Variants in KCND3 observed in about 807,000 individuals in gnomAD.
The protein encoded by KCND3 is A-type voltage-gated potassium channel KCND3.
Under a neutral mutation model 51.1 loss-of-function variants are expected in KCND3, and 9 were observed. The observed-to-expected ratio is 0.18, with a 90% CI of 0.11 to 0.31. The LOEUF (loss-of-function observed/expected upper bound fraction) is 0.31, where lower values mean the gene tolerates loss of function less well. KCND3 is among the 10% of genes least tolerant of loss of function. The pLI, the probability that KCND3 is intolerant of heterozygous loss-of-function variation, is 1.00. For synonymous variants in KCND3, 349 were observed against 368.0 expected, an observed-to-expected ratio of 0.95 and a Z score of 0.59; for missense variants, 526 against 903.8, an observed-to-expected ratio of 0.58 and a Z score of 5.36.
chr1:111,878,691 C>G (rs1669168619), intron 2 of KCND3, among the ~76,000 whole-genome samples: 1 of 152,240 alleles, frequency 6.6e-6, no homozygotes, highest in African/African-American at 2.4e-5. Context: ...AGCACTCTCC[C>G]TATACTCCTG....
At chr1:111,819,109 G>A (rs115519778) in intron 2 of KCND3, among the ~76,000 whole-genome samples, 5,066 of 152,162 alleles carry the variant, frequency 0.033, 100 homozygotes, top group South Asian at 0.041. Context: ...GCTTTTAGGA[G>A]AGCTCACACT....
In KCND3 at chr1:111,969,394, CAGGGA is replaced by C. The variant is rs1674200969; in HGVS notation, c.1106+12222_1106+12226del. On this transcript the variant is annotated intron_variant, in intron 2 of 7. Coordinates refer to ENST00000302127, the MANE Select transcript of KCND3 (RefSeq NM_001378969.1). ...TGTGGAAGGAGATTTCTCCACCTTC[CAGGGA>C]AGGCATTTCAGGCTCCCAAATGCCT... 2.0e-5 allele frequency among the ~76,000 whole-genome samples: 3 copies of C among 152,086 alleles called. No individual in the cohort carries two copies. In the South Asian group the frequency reaches 6.2e-4, roughly 32 times the overall value.
chr1:111,832,543 C>A (rs1386249484), intron 2 of KCND3, among the ~76,000 whole-genome samples: 1 of 152,174 alleles, frequency 6.6e-6, no homozygotes, highest in African/African-American at 2.4e-5. Context: ...GATGCCCCTT[C>A]CCTAAAGCAT....
At chr1:111,921,173 G>T (rs1271657894) in intron 2 of KCND3, among the ~76,000 whole-genome samples, 1 of 152,202 alleles carries the variant, frequency 6.6e-6, no homozygotes, top group Non-Finnish European at 1.5e-5. Flanking sequence ...ATGATGTAGA[G>T]ATTCTTATTG....
rs774941907 is a variant in KCND3, at chr1:111,780,245, G to A, written c.1441C>T (p.His481Tyr). ...CTCACAGTGGTTTTTTCCAGGCAGTGCAGCAGGTGATGATGCTGGCTCTCG... is the reference window on the plus strand; with the variant it reads ...CTCACAGTGGTTTTTTCCAGGCAGTACAGCAGGTGATGATGCTGGCTCTCG... The part of the protein sequence containing the change: ...LIESQHHHLL[H>Y]CLEKTTGLSY... Residue 481 changes from histidine (H) to tyrosine (Y), a missense_variant, in exon 5 of 8, where the codon CAC becomes TAC. His to Tyr is a moderately conservative substitution (Grantham distance 83). Transcript: ENST00000302127. The surrounding 1 kb of genome is among the most constrained non-coding windows in gnomAD (Gnocchi z 4.2). The A allele has an allele frequency of 6.3e-7, 1 of 1,590,596 alleles. No individual in the cohort carries two copies. The highest frequency in any genetic ancestry group is 1.3e-5 in the African/African-American group (1 of 74,748).
chr1:111,936,097 T>C (rs1346586434), intron 2 of KCND3, among the ~76,000 whole-genome samples: 5 of 152,246 alleles, frequency 3.3e-5, no homozygotes, highest in Non-Finnish European at 7.3e-5. Flanking sequence ...CACAGTCACA[T>C]TGCATGCACA....
chr1:111,782,709 C>T (rs182868908), intron 3 of KCND3, among the ~76,000 whole-genome samples: 9 of 152,138 alleles, frequency 5.9e-5, no homozygotes, highest in Admixed American at 4.6e-4. Context: ...ATCTGGGGTC[C>T]GTCTTCATTA....
chr1:111,872,203 A>G (rs1668855013), intron 2 of KCND3, among the ~76,000 whole-genome samples: 1 of 152,238 alleles, frequency 6.6e-6, no homozygotes, highest in African/African-American at 2.4e-5. Flanking sequence ...GTAAGAGGAC[A>G]GAGGATGGGG....
intron 2 of KCND3, among the ~76,000 whole-genome samples, chr1:111,827,763 C>T (rs1666644520): frequency 6.6e-6 from 1 of 152,172 alleles, no homozygotes. Context: ...TCTCTGCCCT[C>T]CTGGGTGAGG....
intron 2 of KCND3, among the ~76,000 whole-genome samples, chr1:111,857,507 G>A (rs925356573): frequency 3.3e-5 from 5 of 152,220 alleles, no homozygotes; most frequent in Admixed American, 1.3e-4. Context: ...AATACCCGTC[G>A]CTTATGGGGG....
At chr1:111,951,157 C>CAAAAA (rs71081206) in intron 2 of KCND3, among the ~76,000 whole-genome samples, 4 of 30,610 alleles carry the variant, frequency 1.3e-4, no homozygotes, top group African/African-American at 2.0e-4. Context: ...CAAACAAGAG[C>CAAAAA]AAAAAAAAAA....
At chr1:111,847,978 C>T (rs146948477) in intron 2 of KCND3, among the ~76,000 whole-genome samples, 5 of 152,364 alleles carry the variant, frequency 3.3e-5, no homozygotes, top group East Asian at 3.9e-4. Context: ...GCCTCTCCCA[C>T]GGCCTCCCCT....
chr1:111,973,568 A>G (rs776531557), intron 2 of KCND3, among the ~76,000 whole-genome samples: 12 of 152,198 alleles, frequency 7.9e-5, no homozygotes, highest in Non-Finnish European at 1.5e-4. Flanking sequence ...GTGGTTTGCA[A>G]TTTTGCAGTG....
chr1:111,817,254 TTAG>T, intron 2 of KCND3, among the ~76,000 whole-genome samples: 1 of 150,872 alleles, frequency 6.6e-6, no homozygotes, highest in Non-Finnish European at 1.5e-5. Context: ...ATACCAAAAA[TTAG>T]GGAGAAAATA....
chr1:111,890,584 G>A (rs146753273), intron 2 of KCND3, among the ~76,000 whole-genome samples: 1 of 152,156 alleles, frequency 6.6e-6, no homozygotes, highest in African/African-American at 2.4e-5. Flanking sequence ...GATCAGCAAT[G>A]GAAATATAAA....
chr1:111,966,098 G>A (rs544748556), intron 2 of KCND3, among the ~76,000 whole-genome samples: 1 of 152,226 alleles, frequency 6.6e-6, no homozygotes, highest in Admixed American at 6.5e-5. Context: ...TGGCTCCCCA[G>A]TCCTTATCCC....
chr1:111,892,078 G>T (rs1669856886), intron 2 of KCND3, among the ~76,000 whole-genome samples: 1 of 152,114 alleles, frequency 6.6e-6, no homozygotes, highest in African/African-American at 2.4e-5. Flanking sequence ...TCAGGGTCTT[G>T]CAGACTTGGG....
chr1:111,788,078 C>T (rs1292090331), intron 2 of KCND3, among the ~76,000 whole-genome samples: 1 of 152,186 alleles, frequency 6.6e-6, no homozygotes, highest in African/African-American at 2.4e-5. Flanking sequence ...TACTTCACAC[C>T]CTAGCAGCTG....
intron 2 of KCND3, among the ~76,000 whole-genome samples, chr1:111,816,614 T>G (rs543418714): frequency 4.6e-5 from 7 of 152,316 alleles, no homozygotes; most frequent in Non-Finnish European, 8.8e-5. Context: ...GGGTGGGCGC[T>G]TCTACTGTGT....
Sources: allele counts gnomAD v4.1 joint callset (sites outside exome capture counted in the v4.1 genomes callset), GRCh38; gene constraint gnomAD v4.1.1; non-coding constraint Gnocchi (gnomAD v3.1); transcripts MANE v1.5; gene names NCBI Gene and HGNC (gene_info 2026-07-23, HGNC 2026-07-21).